The following CPNE3 variants were observed in gnomAD, a reference collection of about 807,000 sequenced individuals.
The protein encoded by CPNE3 is copine 3.
In CPNE3, 68 loss-of-function variants were observed where a neutral mutation model predicts 63.9. The observed-to-expected ratio is 1.06, with a 90% CI of 0.87 to 1.30. CPNE3 has a LOEUF of 1.30. Among genes scored for constraint, CPNE3 ranks in the 50% most tolerant of loss-of-function variants. CPNE3 has a pLI of 0.00. For synonymous variants in CPNE3, 219 were observed against 197.5 expected, an observed-to-expected ratio of 1.11 and a Z score of -0.91; for missense variants, 665 against 578.1, an observed-to-expected ratio of 1.15 and a Z score of -1.54.
rs7835020 is a variant in CPNE3, at chr8:86,539,688, T to C, written c.544-557T>C. On this transcript the variant is annotated intron_variant, in intron 7 of 16. Transcript: ENST00000517490. The stretch of plus-strand genomic sequence containing the variant: ...TTTTTTTTTTTTTTTTTTGAGACGT[T>C]GTCTTGCTCTGTCACCCAGGCTGGA... Among the ~76,000 whole-genome samples, 1,321 of 132,670 alleles carry C rather than the reference T, an allele frequency of 1.0e-2. 28 individuals carry two copies. Among genetic ancestry groups the C allele is most frequent in the African/African-American group, 0.037 (1,262 of 33,858 alleles). The allele number at this position is 132,670 out of a possible 152,430, so 87.0% of individuals were successfully genotyped here. A position where few individuals can be genotyped will look rare whatever the true frequency, so the allele number is the denominator to read the frequency against.
rs542294454 is a variant in CPNE3, at chr8:86,520,647, C to T, written c.-11+5148C>T. Among the ~76,000 whole-genome samples, 6 of 146,452 alleles carry T rather than the reference C, an allele frequency of 4.1e-5. No individual in the cohort carries two copies. The Admixed American group carries it at 4.1e-4, about 10-fold the overall frequency. On this transcript the variant is annotated intron_variant, in intron 2 of 16. Transcript: ENST00000517490. Reference sequence around the variant, plus strand: ...GCCTGCCATTGTGGTGTGACTAACACAGAACCAGGCATTTCTTTTTTTTTT... The same window carrying T: ...GCCTGCCATTGTGGTGTGACTAACATAGAACCAGGCATTTCTTTTTTTTTT...
chr8:86,540,849 A>G (rs1221883389), intron 8 of CPNE3, among the ~76,000 whole-genome samples: 1 of 152,178 alleles, frequency 6.6e-6, no homozygotes, highest in Non-Finnish European at 1.5e-5. Context: ...AGTATCAGGG[A>G]AGTGGAGTAT....
chr8:86,521,826 C>A (rs1207223805), intron 2 of CPNE3: 1 of 152,100 alleles, frequency 6.6e-6, no homozygotes, highest in Admixed American at 6.5e-5. Flanking sequence ...CTGGGTCAAT[C>A]AATTCAGACA....
At chr8:86,549,223 A>G (rs181480352) in intron 12 of CPNE3, among the ~76,000 whole-genome samples, 5 of 152,308 alleles carry the variant, frequency 3.3e-5, no homozygotes, top group Admixed American at 3.3e-4. Flanking sequence ...AGGCAAATGC[A>G]AAGAAATCTA....
In CPNE3 at chr8:86,536,341, A is replaced by T. The variant is rs138342263; in HGVS notation, c.460-1222A>T. 1.0e-3 allele frequency among the ~76,000 whole-genome samples: 149 copies of T among 149,366 alleles called. 1 individual carries two copies. In the East Asian group the frequency reaches 0.027, roughly 27 times the overall value. ...TCCTCCACTTTGCTTCTTTTACTTA[A>T]CATATCCTGGAGATCAGAGCCAGGG... On this transcript the variant is annotated intron_variant, in intron 6 of 16. Coordinates refer to ENST00000517490, the MANE Select transcript of CPNE3 (RefSeq NM_003909.5).
rs147559646 is a variant in CPNE3, at chr8:86,519,044, C to T, written c.-11+3545C>T. On this transcript the variant is annotated intron_variant, in intron 2 of 16. Transcript: ENST00000517490. ...CCCAAAGTACTGGGATTATAAGCAT[C>T]AGCCACCGTGCCTGGCCCAACCCTG... is the stretch of plus-strand genomic sequence containing the variant. Among the ~76,000 whole-genome samples the T allele has an allele frequency of 1.6e-3, 250 of 152,254 alleles. 1 individual carries two copies. Among genetic ancestry groups the T allele is most frequent in the African/African-American group, 5.6e-3 (234 of 41,550 alleles).
chr8:86,532,695 T>C, intron 6 of CPNE3, 115 bp downstream of exon 6: 1 of 875,592 alleles, frequency 1.1e-6, no homozygotes, highest in Non-Finnish European at 1.8e-6. Flanking sequence ...AGGGTACTAG[T>C]TACTTTCAAA....
Position 86,554,946 on chromosome 8 carries a change from A to G in CPNE3, c.1216A>G (p.Arg406Gly), listed in dbSNP as rs1423906928. The change falls in exon 15 of 17, where the codon AGG becomes GGG. Residue 406 changes from arginine to glycine, a missense_variant. By Grantham distance (125) the Arg-to-Gly change is moderately radical. Transcript: ENST00000517490. ...TTCTCCAATCATAAATCACGTGGCC[A>G]GGTTTGCTGCTGCAGCCACGCAACA... is the stretch of plus-strand genomic sequence containing the variant. Reference protein sequence around the residue: ...NFSPIINHVARFAAAATQQQT... With the variant: ...NFSPIINHVAGFAAAATQQQT... The G allele has an allele frequency of 1.2e-6, 2 of 1,614,152 alleles. No homozygotes were observed. The highest frequency in any genetic ancestry group is 1.7e-5 in the Admixed American group (1 of 60,022).
intron 14 of CPNE3, among the ~76,000 whole-genome samples, chr8:86,552,280 A>T (rs1255663688): frequency 6.6e-6 from 1 of 152,186 alleles, no homozygotes; most frequent in African/African-American, 2.4e-5. Flanking sequence ...GGCCGTTTGC[A>T]ATATGGTTTT....
chr8:86,533,592 T>G (rs1241299613), intron 6 of CPNE3, among the ~76,000 whole-genome samples: 1 of 144,730 alleles, frequency 6.9e-6, no homozygotes, highest in Non-Finnish European at 1.5e-5. Flanking sequence ...GCTGGGGACT[T>G]TTTTTTTTTA....
chr8:86,556,234 G>A lies in CPNE3; in HGVS notation c.1387G>A (p.Ala463Thr), dbSNP rs779563300. Residue 463 changes from alanine (A) to threonine (T), a missense_variant, in exon 16 of 17, where the codon GCC becomes ACC. Coordinates refer to ENST00000517490, the MANE Select transcript of CPNE3 (RefSeq NM_003909.5). ...TGGAGTTGGAGGTGCTGACTTCAGCGCCATGGAGTTTCTGGATGGTGATGG... is the reference window on the plus strand; with the variant it reads ...TGGAGTTGGAGGTGCTGACTTCAGCACCATGGAGTTTCTGGATGGTGATGG... ...IVGVGGADFS[A>T]MEFLDGDGGS... The A allele has an allele frequency of 2.2e-5, 19 of 872,884 alleles. No homozygotes were observed. The highest frequency in any genetic ancestry group is 1.2e-4 in the East Asian group (5 of 41,722). 54.1% of individuals were successfully genotyped at this position (872,884 alleles called of 1,614,324 possible). A position where few individuals can be genotyped will look rare whatever the true frequency, so the allele number is the denominator to read the frequency against.
chr8:86,521,920 G>A (rs1397076166), intron 2 of CPNE3, among the ~76,000 whole-genome samples: 1 of 151,950 alleles, frequency 6.6e-6, no homozygotes, highest in Non-Finnish European at 1.5e-5. Flanking sequence ...AACTCACAGA[G>A]TTTTTGTAAG....
rs1254446125 is a variant in CPNE3 at position 86,554,963 on chromosome 8, C to T, written c.1233C>T (p.Ala411=). 1.2e-6 allele frequency: 2 copies of T among 1,614,082 alleles called. No homozygotes were observed. Among genetic ancestry groups the T allele is most frequent in the Non-Finnish European group, 1.7e-6 (2 of 1,180,008 alleles). ...ACGTGGCCAGGTTTGCTGCTGCAGC[C>T]ACGCAACAGCAGACAGCTTCTGTAA... is the stretch of plus-strand genomic sequence containing the variant. ...INHVARFAAA[A]TQQQTASQYF... The change falls in exon 15 of 17, where the codon GCC becomes GCT. Residue 411 remains alanine (A), a synonymous_variant. Coordinates refer to ENST00000517490, the MANE Select transcript of CPNE3 (RefSeq NM_003909.5).
At chr8:86,557,751 C>T (rs1219773951) in intron 16 of CPNE3, among the ~76,000 whole-genome samples, 1 of 151,976 alleles carries the variant, frequency 6.6e-6, no homozygotes, top group Non-Finnish European at 1.5e-5. Flanking sequence ...CAAACACACA[C>T]ACATACACAC....
At chr8:86,519,825 T>C (rs937235045) in intron 2 of CPNE3, among the ~76,000 whole-genome samples, 12 of 152,228 alleles carry the variant, frequency 7.9e-5, no homozygotes, top group African/African-American at 2.9e-4. Flanking sequence ...GCGATTCTCC[T>C]GCCTCAGCCT....
chr8:86,544,618 A>G (rs1821008438), intron 8 of CPNE3, 122 bp from the exon 9 acceptor site: 1 of 379,712 alleles, frequency 2.6e-6, no homozygotes, highest in Non-Finnish European at 4.4e-6. Context: ...GGGACTGCAT[A>G]GTACACATTT....
chr8:86,543,316 G>A (rs1820982353), intron 8 of CPNE3, among the ~76,000 whole-genome samples: 1 of 152,038 alleles, frequency 6.6e-6, no homozygotes. Flanking sequence ...TCTCGGTCTT[G>A]ACTGTTTTGA....
chr8:86,549,368 T>C lies in CPNE3; in HGVS notation c.1013+934T>C, dbSNP rs185721815. Among the ~76,000 whole-genome samples, 619 of 152,258 alleles carry C rather than the reference T, an allele frequency of 4.1e-3. 6 individuals are homozygous for C. Among genetic ancestry groups the C allele is most frequent in the Non-Finnish European group, 7.3e-3 (495 of 68,012 alleles). On this transcript the variant is annotated intron_variant, in intron 12 of 16. Transcript: ENST00000517490. ...AAAGGTGGTCAAATATAACATAGGA[T>C]TAAAAAATTAATAATTTCTCACTAG...
chr8:86,540,107 T>C (rs1040190990), intron 7 of CPNE3, 138 bp from the exon 8 acceptor site: 6 of 622,908 alleles, frequency 9.6e-6, no homozygotes, highest in African/African-American at 9.4e-5. Flanking sequence ...CTAGGTAGTT[T>C]TTTTGTGGAA....
Sources: allele counts gnomAD v4.1 joint callset (sites outside exome capture counted in the v4.1 genomes callset), GRCh38; gene constraint gnomAD v4.1.1; transcripts MANE v1.5; gene names NCBI Gene and HGNC (gene_info 2026-07-23, HGNC 2026-07-21).